Variants in MAN2C1 observed in about 807,000 individuals in gnomAD.
MAN2C1 encodes alpha-mannosidase 2C1.
MAN2C1 carries 111 observed loss-of-function variants against 126.9 expected under a neutral mutation model. The observed-to-expected ratio is 0.87, with a 90% CI of 0.75 to 1.02. MAN2C1 has a LOEUF of 1.02. MAN2C1 is among the 50% of genes least tolerant of loss of function. The pLI is 0.00. For synonymous variants in MAN2C1, 567 were observed against 561.5 expected, an observed-to-expected ratio of 1.01 and a Z score of -0.14; for missense variants, 1,363 against 1,364.4, an observed-to-expected ratio of 1.00 and a Z score of 0.02.
chr15:75,359,878 C>T (rs1469451621), intron 15 of MAN2C1, 25 bp downstream of exon 15: 1 of 1,611,270 alleles, frequency 6.2e-7, no homozygotes, highest in Non-Finnish European at 8.5e-7. Flanking sequence ...TTGGAGAGAG[C>T]AGGCAGGACT....
In MAN2C1 at chr15:75,368,580, C is replaced by G. The variant is rs748986075; in HGVS notation, c.4G>C (p.Ala2Pro). ...CAGTGCTTCAAGGCCGGCGCAGCCG[C>G]CATCGCCGGGCTCTCGCTCCTCTTT... M[A>P]AAPALKHWRT... Residue 2 changes from alanine (A) to proline (P), a missense_variant, in exon 1 of 26, where the codon GCG (alanine) becomes CCG (proline). Physicochemically the swap from Ala to Pro is conservative, Grantham distance 27. Coordinates refer to ENST00000267978, the MANE Select transcript of MAN2C1 (RefSeq NM_006715.4). 10 of 1,542,698 alleles carry G rather than the reference C, an allele frequency of 6.5e-6. No homozygotes were observed. The South Asian group carries it at 1.1e-4, about 17-fold the overall frequency.
At chr15:75,368,363 C>T (rs369077317) in intron 1 of MAN2C1, 120 bp downstream of exon 1, 4 of 1,389,682 alleles carry the variant, frequency 2.9e-6, no homozygotes, top group East Asian at 2.5e-5. Context: ...GGCCCCTGCC[C>T]TGCCCGCGGC....
chr15:75,361,495 G>T lies in MAN2C1; in HGVS notation c.1218+109C>A. ...CTGCTATGTGACCCTGGCAGAGGCA[G>T]AGTGAGGGTTTGGTGGTCTGTCTAG... On this transcript the variant is annotated intron_variant, in intron 10 of 25. Coordinates refer to ENST00000267978, the MANE Select transcript of MAN2C1 (RefSeq NM_006715.4). The surrounding 1 kb of genome is among the most constrained non-coding windows in gnomAD (Gnocchi z 5.0). 7.9e-7 allele frequency: 1 copy of T among 1,263,396 alleles called. No individual in the cohort carries two copies. Among genetic ancestry groups the T allele is most frequent in the South Asian group, 1.2e-5 (1 of 82,800 alleles). 78.3% of individuals were successfully genotyped at this position (1,263,396 alleles called of 1,614,324 possible).
chr15:75,368,396 G>A, intron 1 of MAN2C1, 87 bp downstream of exon 1: 2 of 1,447,726 alleles, frequency 1.4e-6, no homozygotes, highest in Non-Finnish European at 1.9e-6. Flanking sequence ...CCGCGGCCCG[G>A]GTGGCTGCAG....
intron 2 of MAN2C1, 149 bp downstream of exon 2, chr15:75,367,924 C>G: frequency 8.8e-7 from 1 of 1,130,076 alleles, no homozygotes; most frequent in Non-Finnish European, 1.2e-6. Flanking sequence ...AGAGCTGTTC[C>G]CAGCAGAGGG....
chr15:75,366,530 G>T lies in MAN2C1; in HGVS notation c.414C>A (p.Asp138Glu). ...YVLTDRLGER[D>E]PRSLTLYVEV... Reference sequence around the variant, plus strand: ...AGGGCACAGGGACTCACCTTCGGGGGTCTCTTTCCCCCAGCCTGTCAGTCA... The same window carrying T: ...AGGGCACAGGGACTCACCTTCGGGGTTCTCTTTCCCCCAGCCTGTCAGTCA... The change falls in exon 4 of 26, where the codon GAC becomes GAA. Residue 138 changes from aspartate (D) to glutamate (E), a missense_variant. This residue lies in a region of MAN2C1 where 628 missense variants were observed against 609.8 expected (regional missense o/e 1.03). Coordinates refer to ENST00000267978, the MANE Select transcript of MAN2C1 (RefSeq NM_006715.4). The T allele has an allele frequency of 1.9e-6, 3 of 1,613,562 alleles. No homozygotes were observed. Among genetic ancestry groups the T allele is most frequent in the Admixed American group, 1.7e-5 (1 of 59,986 alleles).
At chr15:75,367,669 GAA>G (rs771339899) in intron 2 of MAN2C1, 35 bp from the exon 3 acceptor site, 13 of 1,613,152 alleles carry the variant, frequency 8.1e-6, no homozygotes, top group Non-Finnish European at 9.3e-6. Flanking sequence ...CCTAGAGGTA[GAA>G]GTCCTATCCT....
Position 75,355,891 on chromosome 15 carries a change from C to T in MAN2C1, c.*15G>A, listed in dbSNP as rs2072275856. ...CCCCAGAGCCTTCTACAAACAAAAC[C>T]CCAGCCCCAGGGACTCAGTGTGGCG... On this transcript the variant is annotated 3_prime_UTR_variant, in exon 26 of 26. Transcript: ENST00000267978. The T allele has an allele frequency of 1.9e-6, 3 of 1,613,956 alleles. No individual in the cohort carries two copies. Among genetic ancestry groups the T allele is most frequent in the East Asian group, 4.5e-5 (2 of 44,890 alleles).
chr15:75,365,798 T>C (rs1457421476), intron 4 of MAN2C1: 1 of 250,118 alleles, frequency 4.0e-6, no homozygotes, highest in Non-Finnish European at 8.1e-6. Flanking sequence ...AGAACATGAA[T>C]ACTGGGCCAG....
At position 75,355,914 on chromosome 15, in the gene MAN2C1, G is replaced by A. The variant is rs763888919; in HGVS notation, c.3115C>T (p.Pro1039Ser). The change falls in exon 26 of 26, where the codon CCA becomes TCA. Residue 1039 changes from proline (P) to serine (S), a missense_variant. By Grantham distance (74) the Pro-to-Ser change is moderately conservative. Transcript: ENST00000267978. ...LSLLLVLQPP[P>S]H The stretch of plus-strand genomic sequence containing the variant: ...ACCCCAGCCCCAGGGACTCAGTGTG[G>A]CGGAGGCTGAAGCACGAGCAACAGG... The A allele has an allele frequency of 3.5e-5, 57 of 1,614,062 alleles. No homozygotes were observed. Among genetic ancestry groups the A allele is most frequent in the Middle Eastern group, 1.6e-4 (1 of 6,082 alleles).
At chr15:75,360,242 G>A (rs1198078100) in intron 13 of MAN2C1, 31 bp from the exon 14 acceptor site, 2 of 1,601,966 alleles carry the variant, frequency 1.2e-6, no homozygotes. Flanking sequence ...TTAGTCTGGA[G>A]CCTGCTTAGC....
Position 75,364,130 on chromosome 15 carries a change from A to C in MAN2C1, c.659T>G (p.Val220Gly), listed in dbSNP as rs1277389443. 1 of 1,614,076 alleles carries C rather than the reference A, an allele frequency of 6.2e-7. No homozygotes were observed. The highest frequency in any genetic ancestry group is 2.2e-5 in the East Asian group (1 of 44,870). Reference sequence around the variant, plus strand: ...GGGCTGGGCAGGGTCACACACGTTCACCATCTGATTGGCTGTGTACAGGGC... The same window carrying C: ...GGGCTGGGCAGGGTCACACACGTTCCCCATCTGATTGGCTGTGTACAGGGC... ...FQALYTANQMVNVCDPAQPET... is the reference protein window; with the variant it reads ...FQALYTANQMGNVCDPAQPET... The change falls in exon 6 of 26, where the codon GTG (valine) becomes GGG (glycine). Residue 220 changes from valine to glycine, a missense_variant. Transcript: ENST00000267978.
At chr15:75,368,032 C>A in intron 2 of MAN2C1, 41 bp downstream of exon 2, 1 of 1,577,174 alleles carries the variant, frequency 6.3e-7, no homozygotes, top group East Asian at 2.3e-5. Flanking sequence ...TGGGACTTCC[C>A]CTAGGCCTGT....
rs746618870 is a variant in MAN2C1 at position 75,362,346 on chromosome 15, C to A, written c.1005G>T (p.Glu335Asp). ...GAGGAGTGCCCAGTGCACTTACCAT[C>A]TCCACCCAGGTGCCCCCCACAGGCA... The part of the protein sequence containing the change: ...QFVPVGGTWV[E>D]MDGNLPSGEA... Residue 335 changes from glutamate to aspartate, a missense_variant, in exon 8 of 26, where the codon GAG becomes GAT. By Grantham distance (45) the Glu-to-Asp change is conservative (BLOSUM62 2). Coordinates refer to ENST00000267978, the MANE Select transcript of MAN2C1 (RefSeq NM_006715.4). The surrounding 1 kb of genome is among the most constrained non-coding windows in gnomAD (Gnocchi z 4.5). The A allele has an allele frequency of 6.2e-7, 1 of 1,613,694 alleles. No individual in the cohort carries two copies. The highest frequency in any genetic ancestry group is 1.7e-5 in the Admixed American group (1 of 60,016).
intron 4 of MAN2C1, among the ~76,000 whole-genome samples, chr15:75,365,290 T>C (rs2072552513): frequency 7.9e-6 from 1 of 126,580 alleles, no homozygotes. Context: ...ATACTCCCAG[T>C]GTCTGAAAGC....
rs752590249 is a variant in MAN2C1, at chr15:75,356,374, C to G, written c.2813G>C (p.Ser938Thr). 1.9e-6 allele frequency: 3 copies of G among 1,611,668 alleles called. No individual in the cohort carries two copies. Among genetic ancestry groups the G allele is most frequent in the Non-Finnish European group, 2.5e-6 (3 of 1,179,222 alleles). ...NFPLLALPAP[S>T]PAPATSWSAF... ...ACTCCAGGAGGTGGCGGGCGCTGGG[C>G]TGGGGGCTGGCAGAGCCAACAGGGG... Residue 938 changes from serine to threonine, a missense_variant, in exon 24 of 26, where the codon AGC becomes ACC. Around this residue, in one of 3 missense-constraint regions of MAN2C1, gnomAD observed 668 missense variants for 650.1 expected, o/e 1.03. Transcript: ENST00000267978. The surrounding 1 kb of genome is among the most constrained non-coding windows in gnomAD (Gnocchi z 5.8).
chr15:75,366,470 C>T (rs374381655), intron 4 of MAN2C1, 52 bp downstream of exon 4: 142 of 1,529,230 alleles, frequency 9.3e-5, no homozygotes, highest in Non-Finnish European at 1.2e-4. Context: ...CCTCCTTGCT[C>T]ACTGGTACTC....
intron 14 of MAN2C1, 32 bp downstream of exon 14, chr15:75,360,058 C>T: frequency 1.2e-6 from 2 of 1,613,978 alleles, no homozygotes; most frequent in Non-Finnish European, 8.5e-7. Context: ...AGTGAGCAGT[C>T]AGGTGGATGG....
Position 75,356,701 on chromosome 15 carries a change from C to G in MAN2C1, c.2658-16G>C. ...CGCCCGCAAGCTGGGGTGAGGAGGG[C>G]GCGTAGGGGCCACGCTGAAGCTGTT... On this transcript the variant is annotated splice_polypyrimidine_tract_variant and intron_variant, in intron 22 of 25. Coordinates refer to ENST00000267978, the MANE Select transcript of MAN2C1 (RefSeq NM_006715.4). The surrounding 1 kb of genome is among the most constrained non-coding windows in gnomAD (Gnocchi z 5.8). 4 of 1,605,560 alleles carry G rather than the reference C, an allele frequency of 2.5e-6. No individual in the cohort carries two copies. Among genetic ancestry groups the G allele is most frequent in the Non-Finnish European group, 3.4e-6 (4 of 1,176,466 alleles).
Sources: gnomAD v4.1 joint callset for allele counts (sites outside exome capture counted in the v4.1 genomes callset) on GRCh38, gnomAD v4.1.1 for gene constraint, gnomAD v4.1.1 regional missense constraint, Gnocchi (gnomAD v3.1) non-coding constraint, MANE v1.5 for transcripts, NCBI Gene and HGNC (gene_info 2026-07-23, HGNC 2026-07-21) for gene names.